LRRC4C: variants seen among roughly 807,000 people sequenced by gnomAD.
LRRC4C encodes leucine-rich repeat-containing protein 4C.
In LRRC4C, 5 loss-of-function variants were observed where a neutral mutation model predicts 33.6. The observed-to-expected ratio is 0.15, with a 90% CI of 0.08 to 0.31. The LOEUF (loss-of-function observed/expected upper bound fraction) is 0.31. LRRC4C is among the 10% of genes least tolerant of loss of function. The pLI, the probability that LRRC4C is intolerant of heterozygous loss-of-function variation, is 1.00. For missense variants in LRRC4C, 560 were observed against 796.7 expected (o/e 0.70, Z 3.58); for synonymous variants, 329 against 302.0 (o/e 1.09, Z -0.93).
At chr11:40,864,030 T>C (rs760377167) in intron 2 of LRRC4C, among the ~76,000 whole-genome samples, 1 of 152,020 alleles carries the variant, frequency 6.6e-6, no homozygotes, top group African/African-American at 2.4e-5. Flanking sequence ...ACAAGAACAA[T>C]GCATGTGATA....
intron 3 of LRRC4C, among the ~76,000 whole-genome samples, chr11:40,577,832 CTT>C (rs56061263): frequency 8.5e-4 from 101 of 119,324 alleles, no homozygotes; most frequent in African/African-American, 3.0e-3. Context: ...TTTCTTTTTT[CTT>C]TTTTTTTTTT....
intron 1 of LRRC4C, among the ~76,000 whole-genome samples, chr11:41,116,641 T>C (rs973074920): frequency 6.6e-6 from 1 of 152,074 alleles, no homozygotes; most frequent in African/African-American, 2.4e-5. Context: ...GTGGAAGGAC[T>C]GAGATGTTAG....
At chr11:41,044,001 C>T (rs996431684) in intron 1 of LRRC4C, among the ~76,000 whole-genome samples, 7 of 152,136 alleles carry the variant, frequency 4.6e-5, no homozygotes, top group Admixed American at 2.6e-4. Context: ...ATTCCCTCCC[C>T]CACACACCTC....
chr11:41,434,946 G>T (rs1025763703), intron 1 of LRRC4C, among the ~76,000 whole-genome samples: 3 of 152,086 alleles, frequency 2.0e-5, no homozygotes, highest in Non-Finnish European at 4.4e-5. Context: ...GCAGTATCTG[G>T]ATGCATTTTA....
intron 1 of LRRC4C, among the ~76,000 whole-genome samples, chr11:40,941,773 A>G (rs1472011898): frequency 6.6e-6 from 1 of 152,178 alleles, no homozygotes; most frequent in Non-Finnish European, 1.5e-5. Context: ...ACAGTATGCT[A>G]AGTGCTAAAA....
intron 2 of LRRC4C, among the ~76,000 whole-genome samples, chr11:40,808,950 A>C (rs1951365458): frequency 6.6e-6 from 1 of 151,996 alleles, no homozygotes; most frequent in African/African-American, 2.4e-5. Context: ...TTGTCTTTTT[A>C]ATCACTACCC....
intron 1 of LRRC4C, among the ~76,000 whole-genome samples, chr11:41,061,955 C>T (rs1937805314): frequency 1.3e-5 from 2 of 152,172 alleles, no homozygotes; most frequent in Non-Finnish European, 2.9e-5. Flanking sequence ...GCATCCACTG[C>T]TCAATTGGCT....
At chr11:40,854,795 AAAT>A (rs1368951227) in intron 2 of LRRC4C, among the ~76,000 whole-genome samples, 3 of 151,496 alleles carry the variant, frequency 2.0e-5, no homozygotes, top group East Asian at 1.9e-4. Context: ...ATATTAATAA[AAAT>A]AATAAGATTC....
chr11:40,710,419 T>C (rs895083575), intron 2 of LRRC4C, among the ~76,000 whole-genome samples: 4 of 152,222 alleles, frequency 2.6e-5, no homozygotes, highest in Non-Finnish European at 5.9e-5. Flanking sequence ...TTCCTTTCTG[T>C]TTGTTAGTTT....
chr11:41,040,162 G>A (rs867435448), intron 1 of LRRC4C, among the ~76,000 whole-genome samples: 31 of 144,892 alleles, frequency 2.1e-4, no homozygotes, highest in Middle Eastern at 7.8e-3. Context: ...AAAAAAGTAT[G>A]ACTTGAACTG....
intron 3 of LRRC4C, among the ~76,000 whole-genome samples, chr11:40,638,762 T>C (rs548804168): frequency 1.4e-5 from 2 of 140,626 alleles, no homozygotes; most frequent in South Asian, 4.6e-4. Context: ...GTTTTTTCAA[T>C]TGGTCGAGTT....
intron 3 of LRRC4C, among the ~76,000 whole-genome samples, chr11:40,474,291 A>G (rs1052139283): frequency 6.6e-6 from 1 of 152,160 alleles, no homozygotes; most frequent in African/African-American, 2.4e-5. Context: ...ATCTACAACC[A>G]TTGGATCTTT....
chr11:40,706,033 G>T (rs546917425), intron 2 of LRRC4C, among the ~76,000 whole-genome samples: 9 of 152,186 alleles, frequency 5.9e-5, no homozygotes, highest in Non-Finnish European at 1.0e-4. Flanking sequence ...CATATCCTTT[G>T]CCCACATTTC....
intron 2 of LRRC4C, among the ~76,000 whole-genome samples, chr11:40,791,635 T>C (rs1377198288): frequency 6.6e-6 from 1 of 152,170 alleles, no homozygotes; most frequent in Non-Finnish European, 1.5e-5. Flanking sequence ...TAATTTGCCT[T>C]TTGTATATGA....
intron 1 of LRRC4C, among the ~76,000 whole-genome samples, chr11:41,205,084 C>T (rs1487081): frequency 0.43 from 65,699 of 151,844 alleles, 16,718 homozygotes; most frequent in South Asian, 0.63. Context: ...CTGAATATAT[C>T]CAAAGGCCCT....
chr11:40,673,035 A>G (rs10837470), intron 2 of LRRC4C, among the ~76,000 whole-genome samples: 26,716 of 134,234 alleles, frequency 0.2, 3,041 homozygotes, highest in East Asian at 0.49. Flanking sequence ...ATCTTAAAAG[A>G]AAAAAAAAAA....
At chr11:40,300,377 C>A (rs1374691844) in intron 4 of LRRC4C, among the ~76,000 whole-genome samples, 1 of 152,170 alleles carries the variant, frequency 6.6e-6, no homozygotes, top group East Asian at 1.9e-4. Flanking sequence ...CAGAATTGCC[C>A]ATTTGGCAGC....
At chr11:40,925,765 CTG>C (rs1188481445) in intron 2 of LRRC4C, among the ~76,000 whole-genome samples, 2 of 152,106 alleles carry the variant, frequency 1.3e-5, no homozygotes, top group African/African-American at 4.8e-5. Context: ...ACTTTATTGT[CTG>C]TAAATTGGAG....
chr11:41,225,747 T>A (rs1473954633), intron 1 of LRRC4C, among the ~76,000 whole-genome samples: 3 of 152,186 alleles, frequency 2.0e-5, no homozygotes, highest in African/African-American at 7.2e-5. Flanking sequence ...AACAAAAAAT[T>A]TAACAGATGG....
Sources: gnomAD v4.1 joint callset for allele counts (sites outside exome capture counted in the v4.1 genomes callset) on GRCh38, gnomAD v4.1.1 for gene constraint, MANE v1.5 for transcripts, NCBI Gene and HGNC (gene_info 2026-07-23, HGNC 2026-07-21) for gene names.